The following MALL variants were observed in gnomAD, a reference collection of about 807,000 sequenced individuals.
MALL encodes mal, T cell differentiation protein like, also known as MAL-like protein.
Under a neutral mutation model 10.3 loss-of-function variants are expected in MALL, and 2 were observed. That is an observed-to-expected ratio of 0.19 (90% confidence interval 0.08 to 0.61). The LOEUF (loss-of-function observed/expected upper bound fraction) is 0.61, where lower values mean the gene tolerates loss of function less well. Among genes scored for constraint, MALL ranks in the 20% least tolerant of loss-of-function variants. MALL has a pLI of 0.88. For synonymous variants in MALL, 27 were observed against 51.8 expected, an observed-to-expected ratio of 0.52 and a Z score of 2.05; for missense variants, 39 against 115.2, an observed-to-expected ratio of 0.34 and a Z score of 3.03.
upstream of MALL, among the ~76,000 whole-genome samples, chr2:110,117,552 C>T (rs3806524): frequency 0.38 from 57,061 of 150,138 alleles, 11,588 homozygotes; most frequent in East Asian, 0.56. Flanking sequence ...TGCTGTGCAT[C>T]TCTTCTGACT....
chr2:110,098,263 A>AAC, intron 1 of MALL, among the ~76,000 whole-genome samples: 1 of 151,990 alleles, frequency 6.6e-6, no homozygotes, highest in African/African-American at 2.4e-5. Context: ...TTTTAAGTGT[A>AAC]CAGTTCAGTG....
At chr2:110,105,538 G>A (rs931147501) in intron 1 of MALL, among the ~76,000 whole-genome samples, 5 of 152,336 alleles carry the variant, frequency 3.3e-5, no homozygotes, top group Middle Eastern at 3.4e-3. Flanking sequence ...ACAGGAAGAC[G>A]CCACATGGCA....
intron 1 of MALL, among the ~76,000 whole-genome samples, chr2:110,102,830 C>A (rs1678602967): frequency 6.6e-6 from 1 of 152,130 alleles, no homozygotes; most frequent in Admixed American, 6.5e-5. Flanking sequence ...CATCGGCACC[C>A]CTTGTCATCC....
In MALL at chr2:110,105,022, C is replaced by T. The variant is rs879738323; in HGVS notation, c.105+10666G>A. 5.6e-4 allele frequency among the ~76,000 whole-genome samples: 85 copies of T among 152,302 alleles called. 2 individuals are homozygous for T. The highest frequency in any genetic ancestry group is 5.2e-3 in the Admixed American group (79 of 15,304). ...GGAGCACTCACTCACCATGTCCTGA[C>T]ATTTCCTATGAAGTCCACATTCAAA... is the stretch of plus-strand genomic sequence containing the variant. On this transcript the variant is annotated intron_variant, in intron 1 of 3. Transcript: ENST00000272462.
At chr2:110,099,154 T>C (rs576848355) in intron 1 of MALL, among the ~76,000 whole-genome samples, 2 of 152,234 alleles carry the variant, frequency 1.3e-5, no homozygotes, top group East Asian at 1.9e-4. Context: ...GTTCTGTTCA[T>C]GCAAAATGAG....
chr2:110,103,688 C>T (rs1678627967), intron 1 of MALL, among the ~76,000 whole-genome samples: 1 of 152,148 alleles, frequency 6.6e-6, no homozygotes, highest in South Asian at 2.1e-4. Context: ...GCCGGTGGCT[C>T]CTTCAGAGCA....
chr2:110,114,007 C>A, intron 1 of MALL, among the ~76,000 whole-genome samples: 1 of 151,992 alleles, frequency 6.6e-6, no homozygotes, highest in Non-Finnish European at 1.5e-5. Context: ...GGCCCCAGAG[C>A]CCAACACCAG....
upstream of MALL, chr2:110,116,073 A>AC: frequency 3.0e-6 from 1 of 335,374 alleles, no homozygotes; most frequent in East Asian, 4.4e-5. Context: ...GGAATCTTTG[A>AC]CCCCCGGAGC....
At chr2:110,104,528 T>G (rs1230182821) in intron 1 of MALL, among the ~76,000 whole-genome samples, 1 of 152,220 alleles carries the variant, frequency 6.6e-6, no homozygotes, top group East Asian at 1.9e-4. Context: ...ACTTGGAATT[T>G]AAGTGGGAGA....
rs57265180 is a variant in MALL at position 110,099,884 on chromosome 2, G to A, written c.106-8114C>T. ...GACCGAGCTGCTGACCCAGATCGCA[G>A]GACACGAGATAGTGCATTTCCCTTC... On this transcript the variant is annotated intron_variant, in intron 1 of 3. Coordinates refer to ENST00000272462, the MANE Select transcript of MALL (RefSeq NM_005434.5). 5.1e-4 allele frequency among the ~76,000 whole-genome samples: 78 copies of A among 152,182 alleles called. 1 individual carries two copies. The East Asian group carries it at 0.012, about 23-fold the overall frequency.
intron 1 of MALL, among the ~76,000 whole-genome samples, chr2:110,103,451 G>A (rs749723669): frequency 2.0e-4 from 31 of 152,120 alleles, no homozygotes; most frequent in Non-Finnish European, 1.3e-4. Context: ...GAGCTCCTCC[G>A]CACTAGGGCC....
At chr2:110,115,315 C>G (rs1678883577) in intron 1 of MALL, among the ~76,000 whole-genome samples, 1 of 152,138 alleles carries the variant, frequency 6.6e-6, no homozygotes, top group African/African-American at 2.4e-5. Flanking sequence ...AGCGACGTCC[C>G]CCCAGGCCTC....
At chr2:110,117,620 T>TGA (rs1559035370), upstream of MALL, among the ~76,000 whole-genome samples, 5 of 133,270 alleles carry the variant, frequency 3.8e-5, no homozygotes, top group Admixed American at 1.6e-4. Flanking sequence ...TGTGTGTGTG[T>TGA]GTGTGAGAGA....
intron 1 of MALL, among the ~76,000 whole-genome samples, chr2:110,113,435 C>CAAAAAAAAAA (rs58360665): frequency 6.3e-5 from 2 of 31,816 alleles, no homozygotes; most frequent in South Asian, 1.6e-3. Context: ...GACTCTGTCT[C>CAAAAAAAAAA]AAAAAAAAAA....
rs577188007 is a variant in MALL, at chr2:110,097,523, T to C, written c.106-5753A>G. 1,384 of 456,564 alleles carry C rather than the reference T, an allele frequency of 3.0e-3. 24 individuals carry two copies. Among genetic ancestry groups the C allele is most frequent in the South Asian group, 0.02 (1,322 of 64,548 alleles). The allele number at this position is 456,564 out of a possible 1,614,324, so 28.3% of individuals were successfully genotyped here. ...CCTGCACAGAGCAGCTGGAAGCCCCTCATGGGTGGGAGAGGGGCTGCTGCA... is the reference window on the plus strand; with the variant it reads ...CCTGCACAGAGCAGCTGGAAGCCCCCCATGGGTGGGAGAGGGGCTGCTGCA... On this transcript the variant is annotated intron_variant, in intron 1 of 3. Transcript: ENST00000272462.
upstream of MALL, among the ~76,000 whole-genome samples, chr2:110,117,986 G>A (rs534993376): frequency 4.6e-5 from 7 of 152,150 alleles, no homozygotes; most frequent in East Asian, 1.4e-3. Context: ...CTGGCTGACA[G>A]GTACCAGAGG....
chr2:110,097,800 C>T (rs890068266), intron 1 of MALL, among the ~76,000 whole-genome samples: 1 of 152,088 alleles, frequency 6.6e-6, no homozygotes, highest in Non-Finnish European at 1.5e-5. Context: ...TGGCAGGTTT[C>T]ACGTACTGCC....
intron 1 of MALL, among the ~76,000 whole-genome samples, chr2:110,103,553 G>A (rs1471451132): frequency 6.6e-6 from 1 of 152,214 alleles, no homozygotes; most frequent in Non-Finnish European, 1.5e-5. Flanking sequence ...GTTCTTCAGG[G>A]AGACAGCTCC....
chr2:110,115,470 G>C (rs1219781716), intron 1 of MALL, among the ~76,000 whole-genome samples: 2 of 151,964 alleles, frequency 1.3e-5, no homozygotes, highest in Non-Finnish European at 2.9e-5. Context: ...CCCTGTGCTC[G>C]CTCCCCGCTC....
Sources: allele counts gnomAD v4.1 joint callset (sites outside exome capture counted in the v4.1 genomes callset), GRCh38; gene constraint gnomAD v4.1.1; transcripts MANE v1.5; gene names NCBI Gene and HGNC (gene_info 2026-07-23, HGNC 2026-07-21).